The following COA1 variants were observed in gnomAD, a reference collection of about 807,000 sequenced individuals.
COA1 encodes the protein cytochrome c oxidase assembly factor 1, also known as cytochrome c oxidase assembly factor 1 homolog.
COA1 carries 13 observed loss-of-function variants against 16.0 expected under a neutral mutation model. That is an observed-to-expected ratio of 0.81 (90% confidence interval 0.53 to 1.29). The LOEUF (loss-of-function observed/expected upper bound fraction) is 1.29. Ranked by LOEUF, COA1 falls within the 50% of genes most tolerant of loss-of-function variation. The probability of loss-of-function intolerance (pLI) is 0.00; values close to 1 mark genes in which losing one functional copy is unlikely to be tolerated. For missense variants in COA1, 179 were observed against 177.0 expected (o/e 1.01, Z -0.06); for synonymous variants, 65 against 65.7 (o/e 0.99, Z 0.05).
chr7:43,636,542 G>C (rs2085907977), downstream of COA1, among the ~76,000 whole-genome samples: 1 of 152,212 alleles, frequency 6.6e-6, no homozygotes. Context: ...AAACCCTTCA[G>C]AACTGCCGCT....
intron 1 of COA1, among the ~76,000 whole-genome samples, chr7:43,658,534 A>C (rs1445840170): frequency 1.3e-5 from 2 of 152,204 alleles, no homozygotes; most frequent in Admixed American, 6.5e-5. Context: ...TTGTTTTCTA[A>C]ACTGTACTTT....
intron 1 of COA1, among the ~76,000 whole-genome samples, chr7:43,725,169 T>G (rs10247825): frequency 0.15 from 22,278 of 146,930 alleles, 2,179 homozygotes; most frequent in Non-Finnish European, 0.22. Flanking sequence ...ACCCGGGAGG[T>G]GGGGGTTGCG....
At chr7:43,620,951 A>T (rs755682135) in intron 6 of COA1, among the ~76,000 whole-genome samples, 7 of 152,136 alleles carry the variant, frequency 4.6e-5, no homozygotes, top group Non-Finnish European at 7.4e-5. Context: ...GTGTGAAGTG[A>T]GCAAATACAG....
chr7:43,635,504 G>A (rs139320410), downstream of COA1, among the ~76,000 whole-genome samples: 182 of 152,274 alleles, frequency 1.2e-3, no homozygotes, highest in African/African-American at 4.2e-3. Context: ...TAGGGACGAA[G>A]GCAAAGTGGA....
chr7:43,623,244 GA>G (rs1386582602), intron 6 of COA1: 2 of 223,070 alleles, frequency 9.0e-6, no homozygotes, highest in Non-Finnish European at 1.7e-5. Context: ...GTGGTAGTGA[GA>G]AAGTTTTAAA....
At chr7:43,669,468 C>T (rs563426461) in intron 1 of COA1, among the ~76,000 whole-genome samples, 1 of 152,232 alleles carries the variant, frequency 6.6e-6, no homozygotes, top group East Asian at 1.9e-4. Flanking sequence ...CACATATCCC[C>T]ATATGTGTAG....
At chr7:43,691,412 G>A (rs868025992) in intron 1 of COA1, among the ~76,000 whole-genome samples, 958 of 88,408 alleles carry the variant, frequency 0.011, 28 homozygotes, top group Admixed American at 0.022. Flanking sequence ...AGGAAGGAAG[G>A]AAGAAAGAAA....
chr7:43,629,725 T>C (rs2084979290), intron 6 of COA1, among the ~76,000 whole-genome samples: 1 of 152,176 alleles, frequency 6.6e-6, no homozygotes, highest in Non-Finnish European at 1.5e-5. Context: ...CTCCTCTACT[T>C]TTTCAGATTA....
At chr7:43,666,226 G>A (rs1164025408) in intron 1 of COA1, among the ~76,000 whole-genome samples, 2 of 152,128 alleles carry the variant, frequency 1.3e-5, no homozygotes, top group Non-Finnish European at 2.9e-5. Flanking sequence ...TAAGCCAATT[G>A]GCTTTGGGTT....
At chr7:43,701,666 C>T (rs562185365) in intron 1 of COA1, among the ~76,000 whole-genome samples, 43 of 152,294 alleles carry the variant, frequency 2.8e-4, no homozygotes, top group African/African-American at 1.0e-3. Context: ...GGAATAGTCA[C>T]AACTGCTTTC....
At chr7:43,649,917 T>G (rs1335748941) in intron 1 of COA1, 1 of 152,272 alleles carries the variant, frequency 6.6e-6, no homozygotes, top group African/African-American at 2.4e-5. Flanking sequence ...GTGGTCAACC[T>G]TGCTGCAGGG....
chr7:43,644,187 G>T lies in COA1; in HGVS notation c.264+1064C>A, dbSNP rs894962605. 2.6e-5 allele frequency among the ~76,000 whole-genome samples: 4 copies of T among 152,084 alleles called. No homozygotes were observed. The South Asian group carries it at 6.2e-4, about 24-fold the overall frequency. ...TCCTCACAGCCATCTCCCAGGCCTC[G>T]AGCCACTTCCCCTAGGCCTGCACAA... On this transcript the variant is annotated intron_variant, in intron 4 of 5. Coordinates refer to ENST00000223336, the MANE Select transcript of COA1 (RefSeq NM_018224.4).
At chr7:43,608,665 T>C in exon 7 of COA1, 1 of 273,032 alleles carries the variant, frequency 3.7e-6, no homozygotes, top group South Asian at 1.2e-4. Flanking sequence ...GCTAGATCTT[T>C]TGAAAAGTTA....
intron 4 of COA1, among the ~76,000 whole-genome samples, chr7:43,644,793 G>GAC (rs1365057694): frequency 0.066 from 8,179 of 123,262 alleles, 1,100 homozygotes; most frequent in Non-Finnish European, 0.093. Flanking sequence ...CAGGCAGGCA[G>GAC]AGAGACAGAG....
At chr7:43,698,288 C>CT (rs1248813614) in intron 1 of COA1, among the ~76,000 whole-genome samples, 4 of 151,908 alleles carry the variant, frequency 2.6e-5, no homozygotes, top group African/African-American at 9.7e-5. Context: ...ACTTAAAACG[C>CT]TTTTTTTTCC....
At chr7:43,699,608 G>T (rs919374135) in intron 1 of COA1, among the ~76,000 whole-genome samples, 3 of 152,126 alleles carry the variant, frequency 2.0e-5, no homozygotes, top group Non-Finnish European at 4.4e-5. Flanking sequence ...TAAAACAATT[G>T]TGATAGAGAA....
At chr7:43,691,697 T>C (rs2094377074) in intron 1 of COA1, among the ~76,000 whole-genome samples, 1 of 152,172 alleles carries the variant, frequency 6.6e-6, no homozygotes, top group Non-Finnish European at 1.5e-5. Context: ...GAATTCTGCA[T>C]CCATCCACAG....
Position 43,639,406 on chromosome 7 carries a change from C to T in COA1, c.*176G>A. ...AAATGACAAATAGCATTTGTTGTGC[C>T]CAAGTTAGAATTACACCAAAATTAC... On this transcript the variant is annotated 3_prime_UTR_variant, in exon 6 of 6. Coordinates refer to ENST00000223336, the MANE Select transcript of COA1 (RefSeq NM_018224.4). 1.2e-5 allele frequency: 6 copies of T among 500,990 alleles called. No individual in the cohort carries two copies. The highest frequency in any genetic ancestry group is 3.3e-5 in the South Asian group (1 of 30,026). 31.0% of individuals were successfully genotyped at this position (500,990 alleles called of 1,614,324 possible). A position where few individuals can be genotyped will look rare whatever the true frequency, so the allele number is the denominator to read the frequency against.
intron 4 of COA1, 38 bp downstream of exon 4, chr7:43,645,213 C>T: frequency 3.7e-6 from 6 of 1,606,278 alleles, no homozygotes; most frequent in South Asian, 1.1e-5. Flanking sequence ...TCTCCTTCAG[C>T]AGGCACCAGC....
Sources: gnomAD v4.1 joint callset for allele counts (sites outside exome capture counted in the v4.1 genomes callset) on GRCh38, gnomAD v4.1.1 for gene constraint, MANE v1.5 for transcripts, NCBI Gene and HGNC (gene_info 2026-07-23, HGNC 2026-07-21) for gene names.